RYR3: variants seen among roughly 807,000 people sequenced by gnomAD.
RYR3 encodes brain ryanodine receptor-calcium release channel.
In RYR3, 207 loss-of-function variants were observed where a neutral mutation model predicts 584.3. That is an observed-to-expected ratio of 0.35 (90% CI 0.32 to 0.40). RYR3 has a LOEUF of 0.40. Ranked by LOEUF, RYR3 falls within the 10% of genes least tolerant of loss-of-function variation. The probability of loss-of-function intolerance (pLI) is 1.00; values close to 1 mark genes in which losing one functional copy is unlikely to be tolerated. For synonymous variants in RYR3, 2,416 were observed against 2,248.5 expected (o/e 1.07, Z -2.11); for missense variants, 5,616 against 6,089.2 (o/e 0.92, Z 2.59).
chr15:33,390,705 A>C lies in RYR3; in HGVS notation c.51+79609A>C, dbSNP rs558276046. ...TTCACTCTGCGTAGATTGTTTGCACAAACAATGTGATTTATGCCGAACACC... is the reference window on the plus strand; with the variant it reads ...TTCACTCTGCGTAGATTGTTTGCACCAACAATGTGATTTATGCCGAACACC... On this transcript the variant is annotated intron_variant, in intron 1 of 103. Coordinates refer to ENST00000634891, the MANE Select transcript of RYR3 (RefSeq NM_001036.6). The surrounding 1 kb of genome is among the most constrained non-coding windows in gnomAD (Gnocchi z 4.2). 9.1e-4 allele frequency among the ~76,000 whole-genome samples: 138 copies of C among 152,234 alleles called. 1 individual carries two copies. Among genetic ancestry groups the C allele is most frequent in the African/African-American group, 3.2e-3 (134 of 41,550 alleles).
chr15:33,581,374 T>C (rs2058582618), intron 13 of RYR3, 134 bp from the exon 14 acceptor site: 1 of 870,238 alleles, frequency 1.1e-6, no homozygotes, highest in Non-Finnish European at 1.8e-6. Context: ...CAAACCCAAC[T>C]GGCACCATGA....
chr15:33,332,296 A>C (rs1416534887), intron 1 of RYR3, among the ~76,000 whole-genome samples: 4 of 152,130 alleles, frequency 2.6e-5, no homozygotes, highest in African/African-American at 9.6e-5. Context: ...AGGAAGTTAT[A>C]AAATGTTTAA....
intron 3 of RYR3, among the ~76,000 whole-genome samples, chr15:33,509,747 C>T (rs760607163): frequency 5.3e-5 from 8 of 152,210 alleles, no homozygotes; most frequent in Non-Finnish European, 1.0e-4. Flanking sequence ...CCTTTGTATT[C>T]GTTGGTAAAA....
In RYR3 at chr15:33,647,895, G is replaced by A. The variant is rs150174065; in HGVS notation, c.3978+435G>A. ...ATGAGAAGAAGAGCAAGAAGCCATC[G>A]CAGAAGATGGAAGCTACTTTTGGTC... On this transcript the variant is annotated intron_variant, in intron 30 of 103. Coordinates refer to ENST00000634891, the MANE Select transcript of RYR3 (RefSeq NM_001036.6). Among the ~76,000 whole-genome samples the A allele has an allele frequency of 4.7e-3, 711 of 149,994 alleles. 6 individuals are homozygous for A. The highest frequency in any genetic ancestry group is 0.015 in the East Asian group (78 of 5,044).
At chr15:33,666,626 A>AT (rs1192562397) in intron 36 of RYR3, among the ~76,000 whole-genome samples, 1 of 85,478 alleles carries the variant, frequency 1.2e-5, no homozygotes, top group Non-Finnish European at 3.3e-5. Flanking sequence ...AAACAGTGAT[A>AT]TCCTTCTACA....
In RYR3 at chr15:33,414,904, TTGTG is replaced by T. The variant is rs369713397; in HGVS notation, c.52-58512_52-58509del. Among the ~76,000 whole-genome samples, 519 of 152,310 alleles carry T rather than the reference TTGTG, an allele frequency of 3.4e-3. 3 individuals are homozygous for T. Among genetic ancestry groups the T allele is most frequent in the East Asian group, 7.9e-3 (41 of 5,170 alleles). On this transcript the variant is annotated intron_variant, in intron 1 of 103. Transcript: ENST00000634891. ...CACCGCGCCGGCCTTAATAAGTACT[TTGTG>T]TGGTTTATCAATAACCTGCCAATCA...
chr15:33,852,248 C>T (rs566752606), intron 94 of RYR3: 2 of 152,102 alleles, frequency 1.3e-5, no homozygotes, highest in African/African-American at 4.8e-5. Context: ...TACAAGGAAC[C>T]CCCCCACAGG....
intron 50 of RYR3, 24 bp from the exon 51 acceptor site, chr15:33,739,808 T>G (rs374262325): frequency 6.2e-7 from 1 of 1,607,476 alleles, no homozygotes; most frequent in Non-Finnish European, 8.5e-7. Flanking sequence ...TCTCTACTAA[T>G]GTGGCCTTGT....
At chr15:33,404,834 T>C (rs2042919088) in intron 1 of RYR3, among the ~76,000 whole-genome samples, 1 of 152,242 alleles carries the variant, frequency 6.6e-6, no homozygotes, top group Non-Finnish European at 1.5e-5. Flanking sequence ...TAACTTTTAT[T>C]TTAAAAATTT....
At chr15:33,649,929 C>T (rs983660104) in intron 31 of RYR3, among the ~76,000 whole-genome samples, 2 of 152,144 alleles carry the variant, frequency 1.3e-5, no homozygotes, top group African/African-American at 2.4e-5. Flanking sequence ...CCATATGTAG[C>T]GATGTCATAA....
At chr15:33,526,696 C>T (rs79124766) in intron 3 of RYR3, among the ~76,000 whole-genome samples, 1,729 of 151,694 alleles carry the variant, frequency 0.011, 28 homozygotes, top group African/African-American at 0.04. Flanking sequence ...CCCCTAATTA[C>T]TTACTCATTC....
chr15:33,805,631 C>G (rs1273400787), intron 69 of RYR3, among the ~76,000 whole-genome samples: 1 of 152,042 alleles, frequency 6.6e-6, no homozygotes, highest in East Asian at 1.9e-4. Context: ...GTGCCCGCCA[C>G]CACGCCCGGC....
intron 67 of RYR3, among the ~76,000 whole-genome samples, chr15:33,793,053 A>G (rs1368013307): frequency 6.6e-6 from 1 of 152,186 alleles, no homozygotes; most frequent in African/African-American, 2.4e-5. Context: ...CATGGTTCTC[A>G]TGACCTGGCT....
chr15:33,797,982 A>C (rs904035792), intron 67 of RYR3, among the ~76,000 whole-genome samples: 4 of 152,258 alleles, frequency 2.6e-5, no homozygotes, highest in Admixed American at 6.5e-5. Flanking sequence ...TGGCTTAAAC[A>C]AATGAGAAAT....
chr15:33,497,357 C>T (rs925451163), intron 2 of RYR3, among the ~76,000 whole-genome samples: 1 of 152,078 alleles, frequency 6.6e-6, no homozygotes, highest in African/African-American at 2.4e-5. Flanking sequence ...GCTTTCTGTC[C>T]CATCCAGTAG....
chr15:33,617,140 C>T (rs559436550), intron 19 of RYR3, among the ~76,000 whole-genome samples: 5 of 152,242 alleles, frequency 3.3e-5, no homozygotes, highest in South Asian at 2.1e-4. Context: ...ATTGGTCGGG[C>T]GTGGTGGCTC....
intron 61 of RYR3, 86 bp downstream of exon 61, chr15:33,768,793 A>G: frequency 7.5e-7 from 1 of 1,330,292 alleles, no homozygotes; most frequent in Non-Finnish European, 1.1e-6. Context: ...TTCCTCAGAC[A>G]ACCCGGGCCT....
intron 81 of RYR3, among the ~76,000 whole-genome samples, chr15:33,824,400 G>A (rs1324021590): frequency 6.6e-6 from 1 of 152,182 alleles, no homozygotes; most frequent in African/African-American, 2.4e-5. Flanking sequence ...TGGGTATTTA[G>A]GAATGGAGTG....
At chr15:33,771,719 C>G (rs1334067501) in intron 62 of RYR3, among the ~76,000 whole-genome samples, 1 of 152,162 alleles carries the variant, frequency 6.6e-6, no homozygotes, top group Admixed American at 6.5e-5. Flanking sequence ...TTTCCTCAGA[C>G]TGTCCAGTGG....
Sources: allele counts gnomAD v4.1 joint callset (sites outside exome capture counted in the v4.1 genomes callset), GRCh38; gene constraint gnomAD v4.1.1; non-coding constraint Gnocchi (gnomAD v3.1); transcripts MANE v1.5; gene names NCBI Gene and HGNC (gene_info 2026-07-23, HGNC 2026-07-21).